Variants in MYO16 observed in about 807,000 individuals in gnomAD.
MYO16 encodes the protein myosin XVI, also known as unconventional myosin-XVI.
A neutral mutation model predicts 205.3 loss-of-function variants in MYO16; 94 were observed. The observed-to-expected ratio is 0.46, with a 90% CI of 0.39 to 0.54. The LOEUF is 0.54. Ranked by LOEUF, MYO16 falls within the 20% of genes least tolerant of loss-of-function variation. MYO16 has a pLI of 0.00. For synonymous variants in MYO16, 988 were observed against 954.0 expected, an observed-to-expected ratio of 1.04 and a Z score of -0.66; for missense variants, 2,315 against 2,387.5, an observed-to-expected ratio of 0.97 and a Z score of 0.63.
At chr13:108,613,740 A>C (rs975751160) in intron 1 of MYO16, among the ~76,000 whole-genome samples, 1 of 152,150 alleles carries the variant, frequency 6.6e-6, no homozygotes, top group Non-Finnish European at 1.5e-5. Context: ...ATTAACAGGC[A>C]AAGTATTACA....
At chr13:109,059,462 T>C (rs1338408931) in intron 27 of MYO16, among the ~76,000 whole-genome samples, 1 of 152,218 alleles carries the variant, frequency 6.6e-6, no homozygotes, top group African/African-American at 2.4e-5. Flanking sequence ...AATTTTTTTC[T>C]GAGCAGTAGT....
intron 20 of MYO16, among the ~76,000 whole-genome samples, chr13:108,970,430 C>A: frequency 6.6e-6 from 1 of 152,110 alleles, no homozygotes; most frequent in East Asian, 1.9e-4. Flanking sequence ...AAATAAATCA[C>A]AGTTCTATGG....
At chr13:109,175,255 C>T (rs1482339251) in intron 33 of MYO16, among the ~76,000 whole-genome samples, 1 of 152,182 alleles carries the variant, frequency 6.6e-6, no homozygotes, top group Non-Finnish European at 1.5e-5. Flanking sequence ...ACTTTCAGTG[C>T]TCTGAGCAGC....
chr13:108,942,711 T>G (rs932577176), intron 16 of MYO16, among the ~76,000 whole-genome samples: 10 of 152,204 alleles, frequency 6.6e-5, no homozygotes, highest in African/African-American at 2.4e-4. Context: ...CCTCTTTTAA[T>G]TCCCCAATAA....
intron 23 of MYO16, among the ~76,000 whole-genome samples, chr13:109,029,925 T>C (rs1886495604): frequency 6.6e-6 from 1 of 152,174 alleles, no homozygotes; most frequent in Non-Finnish European, 1.5e-5. Context: ...TTTCATGAGC[T>C]GACAGAAAGT....
At chr13:108,917,204 A>G (rs7983908) in intron 16 of MYO16, among the ~76,000 whole-genome samples, 10,652 of 151,702 alleles carry the variant, frequency 0.07, 531 homozygotes, top group Middle Eastern at 0.22. Context: ...CTTAAGAGCA[A>G]CTCGTCTCTC....
intron 33 of MYO16, among the ~76,000 whole-genome samples, chr13:109,171,103 T>C (rs1407423668): frequency 1.3e-5 from 2 of 152,222 alleles, no homozygotes; most frequent in African/African-American, 4.8e-5. Context: ...TTTTAAAACA[T>C]CCAGCACAAT....
At chr13:108,773,435 G>C (rs932475683) in intron 4 of MYO16, among the ~76,000 whole-genome samples, 1 of 152,026 alleles carries the variant, frequency 6.6e-6, no homozygotes, top group South Asian at 2.1e-4. Context: ...AATCTCTAGG[G>C]GGACTCCCTC....
intron 2 of MYO16, among the ~76,000 whole-genome samples, chr13:108,676,403 G>GTGTGTGTGTGTT (rs143639000): frequency 0.18 from 27,253 of 148,060 alleles, 2,685 homozygotes; most frequent in Admixed American, 0.31. Context: ...GTGTGTGTGT[G>GTGTGTGTGTGTT]TGTGCCAGCC....
At chr13:109,013,056 C>T (rs979959641) in intron 22 of MYO16, among the ~76,000 whole-genome samples, 1 of 149,744 alleles carries the variant, frequency 6.7e-6, no homozygotes, top group Non-Finnish European at 1.5e-5. Flanking sequence ...TGTTGGTTTG[C>T]TGCACCCATT....
intron 10 of MYO16, among the ~76,000 whole-genome samples, chr13:108,854,858 A>G (rs1303104161): frequency 6.6e-6 from 1 of 152,218 alleles, no homozygotes; most frequent in African/African-American, 2.4e-5. Flanking sequence ...TGAATAGGAA[A>G]GTATTTTTTC....
chr13:108,581,473 C>A, the MYO16 span, among the ~76,000 whole-genome samples: 2 of 152,138 alleles, frequency 1.3e-5, 1 homozygote, highest in South Asian at 4.2e-4. Flanking sequence ...ATATCTCTCG[C>A]CCTTCTTCTT....
At chr13:108,499,402 C>T in the MYO16 span, among the ~76,000 whole-genome samples, 61 of 152,278 alleles carry the variant, frequency 4.0e-4, no homozygotes, top group African/African-American at 1.3e-3. Context: ...TCCAGGCCTG[C>T]GGAATCAGAA....
At chr13:108,580,781 G>A in the MYO16 span, among the ~76,000 whole-genome samples, 3 of 152,294 alleles carry the variant, frequency 2.0e-5, no homozygotes, top group South Asian at 2.1e-4. Context: ...ACAGTTCAGA[G>A]TACTTTACAG....
At chr13:109,179,776 G>A (rs1478135304) in intron 34 of MYO16, 143 bp downstream of exon 34, 1 of 590,370 alleles carries the variant, frequency 1.7e-6, no homozygotes, top group Non-Finnish European at 3.0e-6. Flanking sequence ...TCCTTCAGCT[G>A]AATGGTCTTC....
intron 10 of MYO16, among the ~76,000 whole-genome samples, chr13:108,852,723 A>G (rs1348420333): frequency 1.3e-5 from 2 of 152,114 alleles, no homozygotes; most frequent in Non-Finnish European, 2.9e-5. Context: ...CGTGGCCCCT[A>G]CATGTGTTAC....
intron 9 of MYO16, among the ~76,000 whole-genome samples, chr13:108,835,784 A>T (rs1459382508): frequency 6.6e-6 from 1 of 152,214 alleles, no homozygotes; most frequent in Admixed American, 6.5e-5. Context: ...GCATTTTGCC[A>T]CGCCCTAAAG....
Position 109,166,394 on chromosome 13 carries a change from A to C in MYO16, c.5323+1335A>C, listed in dbSNP as rs141072225. 2.9e-3 allele frequency among the ~76,000 whole-genome samples: 437 copies of C among 152,366 alleles called. 1 individual carries two copies. The highest frequency in any genetic ancestry group is 0.01 in the African/African-American group (419 of 41,580). Reference sequence around the variant, plus strand: ...AATAAAAAATAACTGGAGAAGTGGAAGATAACTCAGAAAATCCCCAGAATG... The same window carrying C: ...AATAAAAAATAACTGGAGAAGTGGACGATAACTCAGAAAATCCCCAGAATG... On this transcript the variant is annotated intron_variant, in intron 33 of 34. Transcript: ENST00000457511.
chr13:108,713,518 T>A (rs12430542), intron 3 of MYO16, among the ~76,000 whole-genome samples: 5,639 of 152,282 alleles, frequency 0.037, 177 homozygotes, highest in East Asian at 0.14. Flanking sequence ...GTGGGTGTTA[T>A]TAAAATACTG....
Sources: allele counts gnomAD v4.1 joint callset (sites outside exome capture counted in the v4.1 genomes callset), GRCh38; gene constraint gnomAD v4.1.1; transcripts MANE v1.5; gene names NCBI Gene and HGNC (gene_info 2026-07-23, HGNC 2026-07-21).